Variants in DLG2 observed in about 807,000 individuals in gnomAD.
The protein encoded by DLG2 is discs large MAGUK scaffold protein 2.
In DLG2, 45 loss-of-function variants were observed where a neutral mutation model predicts 132.5. The observed-to-expected ratio is 0.34, with a 90% CI of 0.27 to 0.44. The LOEUF is 0.44. Among genes scored for constraint, DLG2 ranks in the 20% least tolerant of loss-of-function variants. The pLI is 1.00. For missense variants in DLG2, 1,045 were observed against 1,196.9 expected, an observed-to-expected ratio of 0.87 and a Z score of 1.87; for synonymous variants, 424 against 419.6, an observed-to-expected ratio of 1.01 and a Z score of -0.13.
At chr11:83,695,432 TAG>T (rs1382048385) in intron 18 of DLG2, among the ~76,000 whole-genome samples, 1 of 152,096 alleles carries the variant, frequency 6.6e-6, no homozygotes, top group Non-Finnish European at 1.5e-5. Flanking sequence ...GGGAAGAGGA[TAG>T]AGTTTGTGAT....
intron 18 of DLG2, among the ~76,000 whole-genome samples, chr11:83,718,265 A>G (rs374715225): frequency 3.0e-4 from 46 of 152,268 alleles, no homozygotes; most frequent in African/African-American, 1.1e-3. Flanking sequence ...GGCCAGGTGC[A>G]ATGGCTCATG....
At chr11:84,378,878 G>A (rs577464615) in intron 7 of DLG2, among the ~76,000 whole-genome samples, 13 of 152,036 alleles carry the variant, frequency 8.6e-5, no homozygotes, top group African/African-American at 2.4e-4. Context: ...CCCGGGAGAC[G>A]GAAGTTGCAG....
chr11:85,332,633 T>C (rs529080600), intron 3 of DLG2, among the ~76,000 whole-genome samples: 42 of 152,324 alleles, frequency 2.8e-4, no homozygotes, highest in African/African-American at 9.9e-4. Flanking sequence ...CATTCTTGTA[T>C]ATGGTGAAAG....
At chr11:83,943,148 G>A (rs111667125) in intron 14 of DLG2, among the ~76,000 whole-genome samples, 18,781 of 152,124 alleles carry the variant, frequency 0.12, 1,290 homozygotes, top group Middle Eastern at 0.17. Context: ...TTCTTTTGTA[G>A]ATTGCCCAGT....
intron 3 of DLG2, among the ~76,000 whole-genome samples, chr11:85,438,712 G>A (rs774022943): frequency 2.0e-5 from 3 of 152,082 alleles, no homozygotes; most frequent in Non-Finnish European, 4.4e-5. Flanking sequence ...TGTGTATATA[G>A]GAGAATTTTG....
chr11:85,172,236 C>T (rs1368845860), intron 4 of DLG2, among the ~76,000 whole-genome samples: 1 of 152,218 alleles, frequency 6.6e-6, no homozygotes, highest in Admixed American at 6.5e-5. Flanking sequence ...CCCTGAAATC[C>T]ATTAGCTCCC....
chr11:84,213,538 G>C (rs985479960), intron 8 of DLG2, among the ~76,000 whole-genome samples: 1 of 152,136 alleles, frequency 6.6e-6, no homozygotes, highest in Non-Finnish European at 1.5e-5. Context: ...GTATGTAAGA[G>C]GCCAGGCGCG....
At chr11:85,344,765 A>C (rs2082715843) in intron 3 of DLG2, among the ~76,000 whole-genome samples, 1 of 151,986 alleles carries the variant, frequency 6.6e-6, no homozygotes, top group Non-Finnish European at 1.5e-5. Flanking sequence ...ATTTTTATTT[A>C]GTATTGCTGA....
intron 6 of DLG2, among the ~76,000 whole-genome samples, chr11:85,005,573 A>T (rs1268832814): frequency 6.6e-6 from 1 of 152,106 alleles, no homozygotes; most frequent in Non-Finnish European, 1.5e-5. Flanking sequence ...TTGCTCATTG[A>T]TTTTCTATCC....
chr11:85,111,687 C>T lies in DLG2; in HGVS notation c.331G>A (p.Ala111Thr). ...GTACAGTGGTGGACAGGCATCCAAG[C>T]AGGGGCTTCCACTGAACAATTCTGG... ...PAQNCSVEAP[A>T]WMPVHHCTKY... Residue 111 changes from alanine to threonine, a missense_variant, in exon 6 of 28, where the codon GCT (alanine) becomes ACT (threonine). Physicochemically the swap from Ala to Thr is moderately conservative, Grantham distance 58 (BLOSUM62 0). Coordinates refer to ENST00000376104, the MANE Select transcript of DLG2 (RefSeq NM_001142699.3). 6.4e-7 allele frequency: 1 copy of T among 1,565,924 alleles called. No individual in the cohort carries two copies. The highest frequency in any genetic ancestry group is 8.7e-7 in the Non-Finnish European group (1 of 1,154,438).
chr11:85,379,182 A>T (rs984372225), intron 3 of DLG2, among the ~76,000 whole-genome samples: 2 of 152,188 alleles, frequency 1.3e-5, no homozygotes, highest in African/African-American at 4.8e-5. Context: ...TGCGGAGAAG[A>T]GTGGGATGAA....
At chr11:84,285,331 C>T (rs2097898689) in intron 7 of DLG2, among the ~76,000 whole-genome samples, 1 of 152,136 alleles carries the variant, frequency 6.6e-6, no homozygotes, top group African/African-American at 2.4e-5. Context: ...CATCAAGACC[C>T]TCTGATGGAA....
intron 19 of DLG2, among the ~76,000 whole-genome samples, chr11:83,627,616 G>T (rs1352083056): frequency 2.0e-5 from 3 of 152,118 alleles, no homozygotes; most frequent in African/African-American, 7.2e-5. Flanking sequence ...TCTATTGTTG[G>T]TGGACATTTG....
chr11:83,989,529 T>G (rs537576455), intron 11 of DLG2, among the ~76,000 whole-genome samples: 171 of 152,234 alleles, frequency 1.1e-3, no homozygotes, highest in Non-Finnish European at 1.3e-3. Flanking sequence ...ACTTACTTCT[T>G]AGAGGAGAAG....
chr11:85,585,602 T>G (rs2078913657), intron 3 of DLG2, among the ~76,000 whole-genome samples: 1 of 152,230 alleles, frequency 6.6e-6, no homozygotes, highest in Admixed American at 6.5e-5. Flanking sequence ...GTGCTAATTT[T>G]GCTGAGAGTT....
chr11:83,501,627 G>T (rs1027692865), intron 21 of DLG2, among the ~76,000 whole-genome samples: 6 of 152,272 alleles, frequency 3.9e-5, no homozygotes, highest in Non-Finnish European at 7.4e-5. Context: ...CAAGCTAAAA[G>T]ATAAATTCCT....
intron 18 of DLG2, among the ~76,000 whole-genome samples, chr11:83,766,348 C>A (rs990851732): frequency 1.3e-5 from 2 of 151,454 alleles, no homozygotes; most frequent in African/African-American, 4.9e-5. Flanking sequence ...CCATCTCAGC[C>A]TCCCAAAGTG....
intron 6 of DLG2, among the ~76,000 whole-genome samples, chr11:85,087,147 A>G (rs1047052455): frequency 2.6e-5 from 4 of 152,220 alleles, no homozygotes; most frequent in African/African-American, 9.7e-5. Context: ...GTATATAGTG[A>G]ACAGAATAGA....
intron 18 of DLG2, among the ~76,000 whole-genome samples, chr11:83,696,878 A>T (rs1428527964): frequency 6.6e-6 from 1 of 152,210 alleles, no homozygotes; most frequent in Non-Finnish European, 1.5e-5. Flanking sequence ...GCCCAAGACA[A>T]AAGAGAATAT....
Sources: allele counts gnomAD v4.1 joint callset (sites outside exome capture counted in the v4.1 genomes callset), GRCh38; gene constraint gnomAD v4.1.1; transcripts MANE v1.5; gene names NCBI Gene and HGNC (gene_info 2026-07-23, HGNC 2026-07-21).